SYPL2: variants seen among roughly 807,000 people sequenced by gnomAD.
SYPL2 encodes synaptophysin like 2, also known as synaptophysin-like protein 2.
A neutral mutation model predicts 31.3 loss-of-function variants in SYPL2; 24 were observed. That is an observed-to-expected ratio of 0.77 (90% CI 0.56 to 1.08). The LOEUF is 1.08. Ranked by LOEUF, SYPL2 falls within the 50% of genes least tolerant of loss-of-function variation. SYPL2 has a pLI of 0.00. For synonymous variants in SYPL2, 144 were observed against 143.1 expected, an observed-to-expected ratio of 1.01 and a Z score of -0.05; for missense variants, 342 against 360.1, an observed-to-expected ratio of 0.95 and a Z score of 0.41.
chr1:109,474,527 T>C (rs1234384922), intron 2 of SYPL2, among the ~76,000 whole-genome samples: 1 of 151,786 alleles, frequency 6.6e-6, no homozygotes, highest in East Asian at 1.9e-4. Context: ...TTTTAGTAGA[T>C]ATGGGGTTTC....
chr1:109,473,893 TAA>T (rs5776978), intron 2 of SYPL2, among the ~76,000 whole-genome samples: 12 of 138,358 alleles, frequency 8.7e-5, no homozygotes, highest in Middle Eastern at 3.7e-3. Context: ...AGACTCCATC[TAA>T]AAAAAAAAAA....
intron 2 of SYPL2, among the ~76,000 whole-genome samples, chr1:109,471,310 T>C (rs1433951867): frequency 6.6e-6 from 1 of 152,216 alleles, no homozygotes; most frequent in African/African-American, 2.4e-5. Flanking sequence ...TTTAAACATA[T>C]ATTTTGGTAA....
intron 2 of SYPL2, among the ~76,000 whole-genome samples, chr1:109,468,493 G>A (rs1341960878): frequency 6.6e-6 from 1 of 152,210 alleles, no homozygotes; most frequent in Non-Finnish European, 1.5e-5. Context: ...AGAGTGGTTA[G>A]ACCAATTGCT....
intron 4 of SYPL2, 51 bp downstream of exon 4, chr1:109,477,028 AG>A (rs770705957): frequency 1.3e-4 from 201 of 1,605,136 alleles, no homozygotes; most frequent in Middle Eastern, 4.9e-4. Context: ...GATGTTTGTG[AG>A]GGGGTTGAGG....
chr1:109,470,836 C>T (rs1655810126), intron 2 of SYPL2, among the ~76,000 whole-genome samples: 1 of 152,158 alleles, frequency 6.6e-6, no homozygotes, highest in South Asian at 2.1e-4. Context: ...TCCTTCCCTC[C>T]TTGTAATCCT....
intron 2 of SYPL2, among the ~76,000 whole-genome samples, chr1:109,473,220 TG>T (rs1028278974): frequency 1.4e-4 from 22 of 152,328 alleles, no homozygotes; most frequent in African/African-American, 5.3e-4. Context: ...TCTCTACCTC[TG>T]TGAAGAAGGC....
chr1:109,473,003 C>A (rs896638017), intron 2 of SYPL2, among the ~76,000 whole-genome samples: 1 of 152,092 alleles, frequency 6.6e-6, no homozygotes, highest in African/African-American at 2.4e-5. Context: ...GCTGCCCTTC[C>A]CAGAATGTGA....
chr1:109,479,982 C>T lies in SYPL2; in HGVS notation c.*434C>T, dbSNP rs114337549. 9.1e-3 allele frequency: 1,526 copies of T among 168,010 alleles called. 17 individuals are homozygous for T. Among genetic ancestry groups the T allele is most frequent in the Admixed American group, 0.019 (334 of 17,172 alleles). 10.4% of individuals were successfully genotyped at this position (168,010 alleles called of 1,614,324 possible). A position where few individuals can be genotyped will look rare whatever the true frequency, so the allele number is the denominator to read the frequency against. ...TCAGCTAGTAGCCTTCCCCTCTGGTCCCTTGTGTGGAGGCCCCAATAGTGG... is the reference window on the plus strand; with the variant it reads ...TCAGCTAGTAGCCTTCCCCTCTGGTTCCTTGTGTGGAGGCCCCAATAGTGG... On this transcript the variant is annotated 3_prime_UTR_variant, in exon 6 of 6. Transcript: ENST00000369872.
chr1:109,470,787 T>C (rs1389061280), intron 2 of SYPL2, among the ~76,000 whole-genome samples: 1 of 152,158 alleles, frequency 6.6e-6, no homozygotes, highest in East Asian at 1.9e-4. Context: ...TGGGAGAAAG[T>C]GTCTTTCTGA....
chr1:109,467,416 C>T (rs564594115), intron 2 of SYPL2, among the ~76,000 whole-genome samples: 1 of 152,284 alleles, frequency 6.6e-6, no homozygotes, highest in African/African-American at 2.4e-5. Flanking sequence ...CGAGAGGACC[C>T]GGGTGTAACC....
intron 2 of SYPL2, among the ~76,000 whole-genome samples, chr1:109,473,675 A>G (rs1655902969): frequency 6.6e-6 from 1 of 152,082 alleles, no homozygotes; most frequent in African/African-American, 2.4e-5. Context: ...GGCGGATCAC[A>G]AGGTCAGGAG....
intron 4 of SYPL2, 102 bp downstream of exon 4, chr1:109,477,079 C>G: frequency 7.2e-7 from 1 of 1,381,212 alleles, no homozygotes; most frequent in Non-Finnish European, 1.0e-6. Flanking sequence ...GGCTTCCACC[C>G]CCATGGTGGA....
At chr1:109,475,444 A>G in intron 2 of SYPL2, 137 bp from the exon 3 acceptor site, 1 of 1,228,534 alleles carries the variant, frequency 8.1e-7, no homozygotes, top group Non-Finnish European at 1.1e-6. Flanking sequence ...TCTACCTAGG[A>G]AGAACTTGAT....
Position 109,479,628 on chromosome 1 carries a change from C to A in SYPL2, c.*80C>A. Reference sequence around the variant, plus strand: ...GGCTTCCAGGACCTTTCTCTTCCTCCTCCTCCAATTCCCCTCCCCCATCAT... The same window carrying A: ...GGCTTCCAGGACCTTTCTCTTCCTCATCCTCCAATTCCCCTCCCCCATCAT... On this transcript the variant is annotated 3_prime_UTR_variant, in exon 6 of 6. Coordinates refer to ENST00000369872, the MANE Select transcript of SYPL2 (RefSeq NM_001040709.2). 6.5e-7 allele frequency: 1 copy of A among 1,539,046 alleles called. No individual in the cohort carries two copies. The highest frequency in any genetic ancestry group is 1.2e-5 in the South Asian group (1 of 81,028).
chr1:109,479,636 A>G lies in SYPL2; in HGVS notation c.*88A>G. On this transcript the variant is annotated 3_prime_UTR_variant, in exon 6 of 6. Transcript: ENST00000369872. Reference sequence around the variant, plus strand: ...GGACCTTTCTCTTCCTCCTCCTCCAATTCCCCTCCCCCATCATTCTGGTCT... The same window carrying G: ...GGACCTTTCTCTTCCTCCTCCTCCAGTTCCCCTCCCCCATCATTCTGGTCT... The G allele has an allele frequency of 6.6e-7, 1 of 1,520,514 alleles. No homozygotes were observed. Among genetic ancestry groups the G allele is most frequent in the African/African-American group, 1.4e-5 (1 of 72,584 alleles). 94.2% of individuals were successfully genotyped at this position (1,520,514 alleles called of 1,614,324 possible).
At chr1:109,477,128 T>G in intron 4 of SYPL2, 151 bp downstream of exon 4, 2 of 893,094 alleles carry the variant, frequency 2.2e-6, no homozygotes, top group Non-Finnish European at 3.4e-6. Flanking sequence ...TTGCTCCTGT[T>G]CACAGGAGGC....
intron 2 of SYPL2, among the ~76,000 whole-genome samples, chr1:109,470,406 A>T (rs1655794384): frequency 6.6e-6 from 1 of 152,226 alleles, no homozygotes; most frequent in Admixed American, 6.5e-5. Flanking sequence ...TCACAGGATT[A>T]TCACCAGCGA....
At chr1:109,470,146 C>G (rs1327432781) in intron 2 of SYPL2, among the ~76,000 whole-genome samples, 4 of 152,162 alleles carry the variant, frequency 2.6e-5, no homozygotes, top group Admixed American at 1.3e-4. Flanking sequence ...TGCCACCATG[C>G]CTAGCTAAGT....
At chr1:109,470,383 G>A (rs1203911362) in intron 2 of SYPL2, among the ~76,000 whole-genome samples, 2 of 152,200 alleles carry the variant, frequency 1.3e-5, no homozygotes, top group African/African-American at 4.8e-5. Context: ...TGATGTTAGT[G>A]TCCTCAGGAC....
Sources: gnomAD v4.1 joint callset for allele counts (sites outside exome capture counted in the v4.1 genomes callset) on GRCh38, gnomAD v4.1.1 for gene constraint, MANE v1.5 for transcripts, NCBI Gene and HGNC (gene_info 2026-07-23, HGNC 2026-07-21) for gene names.